Variants in DYM observed in about 807,000 individuals in gnomAD.
DYM encodes dymeclin, also known as dyggve-Melchior-Clausen syndrome protein.
DYM carries 78 observed loss-of-function variants against 93.1 expected under a neutral mutation model. That is an observed-to-expected ratio of 0.84 (90% CI 0.70 to 1.01). The LOEUF (loss-of-function observed/expected upper bound fraction) is 1.01, where lower values mean the gene tolerates loss of function less well. Ranked by LOEUF, DYM falls within the 50% of genes least tolerant of loss-of-function variation. The pLI is 0.00. For synonymous variants in DYM, 321 were observed against 319.7 expected (o/e 1.00, Z -0.04); for missense variants, 789 against 845.0 (o/e 0.93, Z 0.82).
At chr18:49,352,975 C>T (rs1191639953) in intron 6 of DYM, among the ~76,000 whole-genome samples, 3 of 152,060 alleles carry the variant, frequency 2.0e-5, no homozygotes, top group Non-Finnish European at 4.4e-5. Context: ...AATTCTGATA[C>T]TCTGTCATCC....
At chr18:49,123,597 C>G (rs1280747699) in intron 15 of DYM, among the ~76,000 whole-genome samples, 2 of 152,218 alleles carry the variant, frequency 1.3e-5, no homozygotes, top group Non-Finnish European at 2.9e-5. Context: ...TCCAGCTCAG[C>G]AGGCTCACTG....
intron 14 of DYM, among the ~76,000 whole-genome samples, chr18:49,171,524 T>C (rs1300695807): frequency 6.6e-6 from 1 of 152,178 alleles, no homozygotes; most frequent in East Asian, 1.9e-4. Context: ...ATGTAGTGAA[T>C]ACAAAAGTTC....
intron 10 of DYM, among the ~76,000 whole-genome samples, chr18:49,275,931 C>A (rs576797558): frequency 6.6e-6 from 1 of 152,274 alleles, no homozygotes; most frequent in East Asian, 1.9e-4. Context: ...TATCCTGCAA[C>A]TTTGCTGAAC....
intron 8 of DYM, among the ~76,000 whole-genome samples, chr18:49,298,184 G>C (rs1182092782): frequency 6.6e-6 from 1 of 151,992 alleles, no homozygotes; most frequent in Non-Finnish European, 1.5e-5. Context: ...GGAATGCTTT[G>C]ACCATCTCAA....
At chr18:49,246,248 C>A (rs1189269586) in intron 13 of DYM, among the ~76,000 whole-genome samples, 1 of 152,222 alleles carries the variant, frequency 6.6e-6, no homozygotes, top group Non-Finnish European at 1.5e-5. Context: ...TCTGCAACAT[C>A]TGATTCAGTA....
intron 14 of DYM, among the ~76,000 whole-genome samples, chr18:49,192,435 T>C (rs1273006399): frequency 2.0e-5 from 3 of 152,202 alleles, no homozygotes; most frequent in Admixed American, 1.3e-4. Context: ...TAATCCAATT[T>C]GATTTGATTT....
rs796530951 is a variant in DYM at position 49,097,291 on chromosome 18, T to G, written c.2025+111A>C. On this transcript the variant is annotated intron_variant, in intron 17 of 17. Transcript: ENST00000675505. The stretch of plus-strand genomic sequence containing the variant: ...TTGTCACAGTTCTGAGGAGCCCTTC[T>G]AGTCTATGTACTGGATAAGCAGCAT... 3 of 954,536 alleles carry G rather than the reference T, an allele frequency of 3.1e-6. No homozygotes were observed. In the African/African-American group the frequency reaches 4.8e-5, roughly 15 times the overall value. 59.1% of individuals were successfully genotyped at this position (954,536 alleles called of 1,614,324 possible).
intron 14 of DYM, among the ~76,000 whole-genome samples, chr18:49,174,274 G>A (rs1227415423): frequency 1.3e-5 from 2 of 152,070 alleles, no homozygotes; most frequent in Non-Finnish European, 2.9e-5. Flanking sequence ...CTGAGAATGT[G>A]CTCTATGCCA....
chr18:49,442,081 G>A (rs1481451914), intron 1 of DYM, among the ~76,000 whole-genome samples: 2 of 152,110 alleles, frequency 1.3e-5, no homozygotes, highest in Non-Finnish European at 2.9e-5. Flanking sequence ...TTTAGGAACT[G>A]CCAGGCCAAT....
rs573062573 is a variant in DYM at position 49,119,908 on chromosome 18, C to A, written c.1729-982G>T. ...TTCGAGACCAGCCTGGGCAACATGA[C>A]GAAACCCCATGTACACAAAAATTAG... is the stretch of plus-strand genomic sequence containing the variant. On this transcript the variant is annotated intron_variant, in intron 15 of 17. Transcript: ENST00000675505. Among the ~76,000 whole-genome samples the A allele has an allele frequency of 2.0e-5, 3 of 151,688 alleles. No individual in the cohort carries two copies. The East Asian group carries it at 5.8e-4, about 29-fold the overall frequency.
chr18:49,267,375 G>A (rs1040671002), intron 11 of DYM, among the ~76,000 whole-genome samples: 1 of 152,008 alleles, frequency 6.6e-6, no homozygotes, highest in African/African-American at 2.4e-5. Flanking sequence ...CTTTACCCCA[G>A]GATGCAAAGT....
chr18:49,351,838 A>G (rs1035645471), intron 6 of DYM, among the ~76,000 whole-genome samples: 2 of 152,248 alleles, frequency 1.3e-5, no homozygotes, highest in African/African-American at 4.8e-5. Context: ...AAAACTGAGG[A>G]AATAAACCAA....
At chr18:49,323,077 T>C (rs1023799015) in intron 8 of DYM, among the ~76,000 whole-genome samples, 6 of 152,228 alleles carry the variant, frequency 3.9e-5, no homozygotes, top group Admixed American at 1.3e-4. Context: ...ACAATGTAAG[T>C]GGTGGCCCTC....
At chr18:49,100,290 G>A (rs751367295) in intron 16 of DYM, among the ~76,000 whole-genome samples, 45 of 151,990 alleles carry the variant, frequency 3.0e-4, no homozygotes, top group South Asian at 1.5e-3. Flanking sequence ...ATCACTAATC[G>A]AGATAACAAA....
chr18:49,101,406 AT>A (rs2145639161), intron 16 of DYM, among the ~76,000 whole-genome samples: 1 of 152,332 alleles, frequency 6.6e-6, no homozygotes, highest in South Asian at 2.1e-4. Flanking sequence ...TTGAACAGTG[AT>A]TGCCCACTGT....
chr18:49,285,999 A>G (rs2059639586), intron 9 of DYM, among the ~76,000 whole-genome samples: 2 of 152,208 alleles, frequency 1.3e-5, no homozygotes, highest in Non-Finnish European at 2.9e-5. Flanking sequence ...GTGACTCCAC[A>G]AAGCCACTAC....
intron 17 of DYM, among the ~76,000 whole-genome samples, chr18:49,056,740 G>T (rs2075522630): frequency 6.6e-6 from 1 of 151,754 alleles, no homozygotes; most frequent in African/African-American, 2.4e-5. Context: ...GTAGAGACGG[G>T]GTTTCACCAT....
intron 8 of DYM, among the ~76,000 whole-genome samples, chr18:49,313,833 T>C (rs1449793239): frequency 6.6e-6 from 1 of 152,134 alleles, no homozygotes; most frequent in Admixed American, 6.5e-5. Flanking sequence ...AGGAAACCCC[T>C]GACCCAGGGC....
chr18:49,329,808 G>A (rs747485080), intron 8 of DYM: 14 of 152,186 alleles, frequency 9.2e-5, no homozygotes, highest in Non-Finnish European at 1.9e-4. Flanking sequence ...CAACAAAAAT[G>A]AATATAATCC....
Sources: gnomAD v4.1 joint callset for allele counts (sites outside exome capture counted in the v4.1 genomes callset) on GRCh38, gnomAD v4.1.1 for gene constraint, MANE v1.5 for transcripts, NCBI Gene and HGNC (gene_info 2026-07-23, HGNC 2026-07-21) for gene names.